Variants in TMPRSS11E observed in about 807,000 individuals in gnomAD.
TMPRSS11E encodes the protein transmembrane protease serine 11E.
TMPRSS11E carries 38 observed loss-of-function variants against 48.1 expected under a neutral mutation model. The ratio of observed to expected loss-of-function variants is 0.79; its 90% CI spans 0.61 to 1.04. The LOEUF is 1.04. TMPRSS11E is among the 50% of genes least tolerant of loss of function. The pLI is 0.00. For missense variants in TMPRSS11E, 530 were observed against 510.8 expected (o/e 1.04, Z -0.36); for synonymous variants, 158 against 171.9 (o/e 0.92, Z 0.63).
intron 9 of TMPRSS11E, among the ~76,000 whole-genome samples, chr4:68,484,052 G>C (rs1457828533): frequency 2.6e-5 from 4 of 152,268 alleles, no homozygotes; most frequent in African/African-American, 9.6e-5. Context: ...TTGTGGTATA[G>C]TTTGAAGTCT....
At chr4:68,486,255 T>C (rs904507573) in intron 9 of TMPRSS11E, among the ~76,000 whole-genome samples, 5 of 152,208 alleles carry the variant, frequency 3.3e-5, no homozygotes, top group Non-Finnish European at 7.3e-5. Flanking sequence ...AAGATATTTA[T>C]ATCTTTTCGA....
At chr4:68,478,147 A>ATTTT (rs879193345) in intron 8 of TMPRSS11E, among the ~76,000 whole-genome samples, 2,469 of 90,354 alleles carry the variant, frequency 0.027, 132 homozygotes, top group African/African-American at 0.052. Context: ...CTGTATCACT[A>ATTTT]TCTTTTTTTT....
At chr4:68,486,381 C>G (rs1437049895) in intron 9 of TMPRSS11E, among the ~76,000 whole-genome samples, 2 of 152,146 alleles carry the variant, frequency 1.3e-5, no homozygotes, top group African/African-American at 4.8e-5. Flanking sequence ...TGCTTTCTGT[C>G]TTAATTTCAT....
intron 9 of TMPRSS11E, among the ~76,000 whole-genome samples, chr4:68,479,218 A>G (rs1729334547): frequency 6.6e-6 from 1 of 152,172 alleles, no homozygotes; most frequent in South Asian, 2.1e-4. Context: ...TCACATCTGT[A>G]GATTTGTGTA....
At chr4:68,477,876 A>C (rs961566183) in intron 8 of TMPRSS11E, among the ~76,000 whole-genome samples, 1 of 152,132 alleles carries the variant, frequency 6.6e-6, no homozygotes. Flanking sequence ...AAAAGCAAAT[A>C]TGTCTCCTAG....
Position 68,462,266 on chromosome 4 carries a change from G to A in TMPRSS11E, c.136+321G>A, listed in dbSNP as rs1728811308. The stretch of plus-strand genomic sequence containing the variant: ...ATGTCTTGAGTTGTTTGAGGTCACA[G>A]GGCAAGCATCTTGATTTAAAATAAT... On this transcript the variant is annotated intron_variant, in intron 2 of 9. Transcript: ENST00000305363. 2.6e-5 allele frequency among the ~76,000 whole-genome samples: 4 copies of A among 151,992 alleles called. No individual in the cohort carries two copies. In the South Asian group the frequency reaches 8.3e-4, roughly 32 times the overall value.
rs567121553 is a variant in TMPRSS11E at position 68,461,094 on chromosome 4, G to A, written c.12-727G>A. Among the ~76,000 whole-genome samples, 10 of 152,162 alleles carry A rather than the reference G, an allele frequency of 6.6e-5. No homozygotes were observed. In the South Asian group the frequency reaches 2.1e-3, roughly 32 times the overall value. The stretch of plus-strand genomic sequence containing the variant: ...GACGGGGTTTCACCATGTTAGCCAG[G>A]ATGGTCTTGATCTCCCGACCTCATG... On this transcript the variant is annotated intron_variant, in intron 1 of 9. Coordinates refer to ENST00000305363, the MANE Select transcript of TMPRSS11E (RefSeq NM_014058.4).
intron 1 of TMPRSS11E, among the ~76,000 whole-genome samples, chr4:68,458,872 T>A (rs919035259): frequency 6.6e-6 from 1 of 152,158 alleles, no homozygotes; most frequent in Non-Finnish European, 1.5e-5. Flanking sequence ...AAAATAATGA[T>A]GATGATAATT....
chr4:68,475,747 G>T (rs1409684951), intron 6 of TMPRSS11E, among the ~76,000 whole-genome samples: 4 of 152,150 alleles, frequency 2.6e-5, no homozygotes, highest in Non-Finnish European at 5.9e-5. Context: ...CATGAATATA[G>T]GGGGAGGGCT....
At chr4:68,480,079 A>G (rs1729361155) in intron 9 of TMPRSS11E, among the ~76,000 whole-genome samples, 1 of 152,118 alleles carries the variant, frequency 6.6e-6, no homozygotes, top group African/African-American at 2.4e-5. Context: ...TTTAGTTTTC[A>G]GAAGTTTGAT....
At chr4:68,491,037 G>A (rs995446137) in intron 9 of TMPRSS11E, among the ~76,000 whole-genome samples, 1 of 151,896 alleles carries the variant, frequency 6.6e-6, no homozygotes, top group Non-Finnish European at 1.5e-5. Context: ...GGGATTACGA[G>A]TGTGAGCCAC....
At chr4:68,460,224 CTTTAT>C (rs1242802318) in intron 1 of TMPRSS11E, among the ~76,000 whole-genome samples, 1 of 152,106 alleles carries the variant, frequency 6.6e-6, no homozygotes, top group Non-Finnish European at 1.5e-5. Context: ...TGCCAATGCT[CTTTAT>C]TTTGTGTCCA....
At chr4:68,490,837 C>T (rs1290003724) in intron 9 of TMPRSS11E, among the ~76,000 whole-genome samples, 1 of 140,496 alleles carries the variant, frequency 7.1e-6, no homozygotes. Flanking sequence ...TGGCTCACTG[C>T]AACCTCTGCC....
At chr4:68,466,454 T>G (rs953586521) in intron 2 of TMPRSS11E, among the ~76,000 whole-genome samples, 177 bp from the exon 3 acceptor site, 6 of 152,114 alleles carry the variant, frequency 3.9e-5, no homozygotes, top group African/African-American at 1.4e-4. Flanking sequence ...TGATGATAAA[T>G]GTTGTTGTTT....
chr4:68,485,445 C>A (rs2603167), intron 9 of TMPRSS11E, among the ~76,000 whole-genome samples: 100,234 of 151,702 alleles, frequency 0.66, 33,473 homozygotes, highest in East Asian at 0.86. Flanking sequence ...CCGTGCCCAG[C>A]CATATTTATT....
In TMPRSS11E at chr4:68,466,864, A is replaced by G. The variant is rs1728941495; in HGVS notation, c.258+112A>G. On this transcript the variant is annotated intron_variant, in intron 3 of 9. Transcript: ENST00000305363. ...ACTAACGGATCCCTGTGTATTTGCA[A>G]AATGAAAAGAGGCCCTAACCCAAGG... 6 of 1,396,118 alleles carry G rather than the reference A, an allele frequency of 4.3e-6. No individual in the cohort carries two copies. In the South Asian group the frequency reaches 6.1e-5, roughly 14 times the overall value. 86.5% of individuals were successfully genotyped at this position (1,396,118 alleles called of 1,614,324 possible).
At chr4:68,481,486 G>C (rs896300874) in intron 9 of TMPRSS11E, among the ~76,000 whole-genome samples, 1 of 151,964 alleles carries the variant, frequency 6.6e-6, no homozygotes, top group Non-Finnish European at 1.5e-5. Context: ...TGACTTTTTA[G>C]TAATAGCCAT....
chr4:68,461,324 A>G (rs1248709239), intron 1 of TMPRSS11E, among the ~76,000 whole-genome samples: 1 of 152,108 alleles, frequency 6.6e-6, no homozygotes, highest in Non-Finnish European at 1.5e-5. Flanking sequence ...AGAATTAGCA[A>G]CTCCATGTGA....
At chr4:68,486,511 A>G (rs1425642329) in intron 9 of TMPRSS11E, among the ~76,000 whole-genome samples, 1 of 152,184 alleles carries the variant, frequency 6.6e-6, no homozygotes, top group African/African-American at 2.4e-5. Flanking sequence ...TGTGATTGGA[A>G]TGATTTTTAA....
Sources: gnomAD v4.1 joint callset for allele counts (sites outside exome capture counted in the v4.1 genomes callset) on GRCh38, gnomAD v4.1.1 for gene constraint, MANE v1.5 for transcripts, NCBI Gene and HGNC (gene_info 2026-07-23, HGNC 2026-07-21) for gene names.